Variants in SDK1 observed in about 807,000 individuals in gnomAD.
SDK1 encodes protein sidekick-1.
SDK1 carries 157 observed loss-of-function variants against 245.5 expected under a neutral mutation model. The observed-to-expected ratio is 0.64, with a 90% confidence interval of 0.56 to 0.73. The LOEUF (loss-of-function observed/expected upper bound fraction) is 0.73, where lower values mean the gene tolerates loss of function less well. Ranked by LOEUF, SDK1 falls within the 30% of genes least tolerant of loss-of-function variation. The probability of loss-of-function intolerance (pLI) is 0.00; values close to 1 mark genes in which losing one functional copy is unlikely to be tolerated. For synonymous variants in SDK1, 1,647 were observed against 1,278.5 expected, an observed-to-expected ratio of 1.29 and a Z score of -6.15; for missense variants, 3,583 against 3,002.3, an observed-to-expected ratio of 1.19 and a Z score of -4.52.
chr7:4,031,945 T>G (rs960070590), intron 17 of SDK1, among the ~76,000 whole-genome samples: 7 of 150,816 alleles, frequency 4.6e-5, no homozygotes, highest in African/African-American at 1.7e-4. Flanking sequence ...GAGAATCGCT[T>G]GAACCTGAGA....
chr7:3,904,561 G>A (rs921195796), intron 5 of SDK1, among the ~76,000 whole-genome samples: 3 of 152,106 alleles, frequency 2.0e-5, no homozygotes, highest in African/African-American at 7.2e-5. Context: ...CAGACATGGT[G>A]GTGCACACTT....
intron 2 of SDK1, among the ~76,000 whole-genome samples, chr7:3,630,002 A>T (rs1782241382): frequency 6.6e-6 from 1 of 152,246 alleles, no homozygotes; most frequent in African/African-American, 2.4e-5. Context: ...TGAGATAAAC[A>T]TTGGATGGGA....
At position 4,233,298 on chromosome 7, in the gene SDK1, C is replaced by A. The variant is rs140084947; in HGVS notation, c.5871C>A (p.Ser1957Arg). The A allele has an allele frequency of 8.1e-6, 13 of 1,613,948 alleles. No individual in the cohort carries two copies. In the East Asian group the frequency reaches 2.0e-4, roughly 25 times the overall value. The change falls in exon 41 of 45, where the codon AGC becomes AGA. Residue 1957 changes from serine to arginine, a missense_variant. Physicochemically the swap from Ser to Arg is moderately radical, Grantham distance 110 (BLOSUM62 -1). Coordinates refer to ENST00000404826, the MANE Select transcript of SDK1 (RefSeq NM_152744.4). Reference protein sequence around the residue: ...WDMFVKDIPRSATSYTLSLDK... With the variant: ...WDMFVKDIPRRATSYTLSLDK... ...TGTTTGTGAAGGACATCCCGCGGAGCGCCACATCCTACACCCTCAGCCTGG... is the reference window on the plus strand; with the variant it reads ...TGTTTGTGAAGGACATCCCGCGGAGAGCCACATCCTACACCCTCAGCCTGG...
chr7:3,523,100 A>G (rs576618354), intron 1 of SDK1, among the ~76,000 whole-genome samples: 88 of 152,332 alleles, frequency 5.8e-4, no homozygotes, highest in African/African-American at 1.9e-3. Flanking sequence ...AAAAATTTAG[A>G]TATTGCTTTT....
rs1241610802 is a variant in SDK1, at chr7:4,149,123, T to A, written c.4424-139T>A. ...CATCTCCCTGACCCAAGGAAGGGAC[T>A]GGCTTCAGACTGTCCAAGGCATGCA... On this transcript the variant is annotated intron_variant, in intron 29 of 44. Transcript: ENST00000404826. 3.4e-5 allele frequency: 17 copies of A among 505,254 alleles called. No homozygotes were observed. In the East Asian group the frequency reaches 5.6e-4, roughly 17 times the overall value. 31.3% of individuals were successfully genotyped at this position (505,254 alleles called of 1,614,324 possible). A position where few individuals can be genotyped will look rare whatever the true frequency, so the allele number is the denominator to read the frequency against.
intron 2 of SDK1, among the ~76,000 whole-genome samples, chr7:3,633,297 G>A (rs899311609): frequency 6.6e-6 from 1 of 152,126 alleles, no homozygotes; most frequent in African/African-American, 2.4e-5. Flanking sequence ...CAAATATGCA[G>A]ATTTTTTTCT....
At chr7:3,492,772 G>C (rs891077171) in intron 1 of SDK1, among the ~76,000 whole-genome samples, 1 of 152,130 alleles carries the variant, frequency 6.6e-6, no homozygotes, top group Non-Finnish European at 1.5e-5. Flanking sequence ...TGGCAATAAT[G>C]GCAAACAGAA....
intron 5 of SDK1, among the ~76,000 whole-genome samples, chr7:3,933,902 C>G (rs1451765314): frequency 6.6e-6 from 1 of 152,108 alleles, no homozygotes; most frequent in Admixed American, 6.6e-5. Flanking sequence ...ACCTGTCTCT[C>G]AAAAGGTTGG....
chr7:4,055,961 C>A (rs1035921462), intron 19 of SDK1, among the ~76,000 whole-genome samples: 1 of 152,144 alleles, frequency 6.6e-6, no homozygotes, highest in South Asian at 2.1e-4. Flanking sequence ...TATTGATAAT[C>A]TGATTTGATT....
rs1562601061 is a variant in SDK1, at chr7:3,974,540, A to G, written c.1989A>G (p.Glu663=). 1 of 1,614,022 alleles carries G rather than the reference A, an allele frequency of 6.2e-7. No individual in the cohort carries two copies. The highest frequency in any genetic ancestry group is 8.5e-7 in the Non-Finnish European group (1 of 1,179,966). The change falls in exon 13 of 45, where the codon GAA becomes GAG. Residue 663 remains glutamate, a synonymous_variant. Transcript: ENST00000404826. ...ATGACTCCAGGATGGCCCGGCTGGA[A>G]GTGATGTGAGTACTGAGACGTTTGG... ...GGNDSRMARL[E]VIELPHSPQN...
intron 1 of SDK1, among the ~76,000 whole-genome samples, chr7:3,470,794 A>T (rs1781161014): frequency 6.6e-6 from 1 of 152,130 alleles, no homozygotes; most frequent in Non-Finnish European, 1.5e-5. Flanking sequence ...GCTTAGGCTT[A>T]TGTTTTCCAT....
At chr7:4,211,547 A>G (rs575566459) in intron 38 of SDK1, among the ~76,000 whole-genome samples, 61 of 152,286 alleles carry the variant, frequency 4.0e-4, no homozygotes, top group Admixed American at 9.8e-4. Flanking sequence ...CCTGCTGTGC[A>G]TGTGGCTGCT....
chr7:3,620,440 C>G (rs1322135692), intron 2 of SDK1, among the ~76,000 whole-genome samples: 1 of 151,962 alleles, frequency 6.6e-6, no homozygotes, highest in South Asian at 2.1e-4. Flanking sequence ...GTAGCTGGTT[C>G]TACAGGCGTG....
chr7:3,475,541 C>T (rs1248861141), intron 1 of SDK1, among the ~76,000 whole-genome samples: 1 of 152,132 alleles, frequency 6.6e-6, no homozygotes, highest in Non-Finnish European at 1.5e-5. Flanking sequence ...CCTCTAACGT[C>T]TTTTCTAATT....
At chr7:3,862,914 A>G (rs1277002321) in intron 5 of SDK1, among the ~76,000 whole-genome samples, 1 of 152,184 alleles carries the variant, frequency 6.6e-6, no homozygotes, top group Non-Finnish European at 1.5e-5. Flanking sequence ...TGCACAGTTC[A>G]CAATAGGGTT....
chr7:4,162,129 G>C (rs1036186203), intron 32 of SDK1, among the ~76,000 whole-genome samples: 2 of 152,158 alleles, frequency 1.3e-5, no homozygotes, highest in Non-Finnish European at 2.9e-5. Context: ...GCAGGATGGG[G>C]AGGCCAGTCT....
rs551242554 is a variant in SDK1 at position 3,405,190 on chromosome 7, C to T, written c.298+103306C>T. On this transcript the variant is annotated intron_variant, in intron 1 of 44. Transcript: ENST00000404826. The stretch of plus-strand genomic sequence containing the variant: ...AAAAAACAAAAACAAAAACAAAAAA[C>T]ACTTTCCTTAATCTTGGAATGCTTT... 9.4e-3 allele frequency among the ~76,000 whole-genome samples: 1,357 copies of T among 144,530 alleles called. 20 individuals are homozygous for T. Among genetic ancestry groups the T allele is most frequent in the African/African-American group, 0.021 (741 of 36,144 alleles). The allele number at this position is 144,530 out of a possible 152,430, so 94.8% of individuals were successfully genotyped here. A position where few individuals can be genotyped will look rare whatever the true frequency, so the allele number is the denominator to read the frequency against.
intron 1 of SDK1, among the ~76,000 whole-genome samples, chr7:3,452,903 A>G (rs895853693): frequency 1.3e-5 from 2 of 152,022 alleles, no homozygotes; most frequent in African/African-American, 2.4e-5. Flanking sequence ...ATTTTTCACC[A>G]CAGAACATAC....
chr7:3,349,126 C>G (rs750246855), intron 1 of SDK1, among the ~76,000 whole-genome samples: 13 of 152,196 alleles, frequency 8.5e-5, no homozygotes, highest in South Asian at 4.2e-4. Flanking sequence ...TTGCTCCTCT[C>G]CTACTTCTGC....
Sources: allele counts gnomAD v4.1 joint callset (sites outside exome capture counted in the v4.1 genomes callset), GRCh38; gene constraint gnomAD v4.1.1; transcripts MANE v1.5; gene names NCBI Gene and HGNC (gene_info 2026-07-23, HGNC 2026-07-21).